TEAD2: variants seen among roughly 807,000 people sequenced by gnomAD.
TEAD2 encodes the protein transcriptional enhancer factor TEF-4.
A neutral mutation model predicts 61.4 loss-of-function variants in TEAD2; 51 were observed. The ratio of observed to expected loss-of-function variants is 0.83; its 90% confidence interval spans 0.66 to 1.05. The LOEUF (loss-of-function observed/expected upper bound fraction) is 1.05, where lower values mean the gene tolerates loss of function less well. Ranked by LOEUF, TEAD2 falls within the 50% of genes least tolerant of loss-of-function variation. TEAD2 has a pLI of 0.00. For missense variants in TEAD2, 509 were observed against 600.0 expected (o/e 0.85, Z 1.58); for synonymous variants, 244 against 243.2 (o/e 1.00, Z -0.03).
At chr19:49,342,414 C>T (rs752840923) in intron 12 of TEAD2, 24 bp downstream of exon 12, 1 of 1,609,884 alleles carries the variant, frequency 6.2e-7, no homozygotes, top group Admixed American at 1.7e-5. Context: ...GGGGGCCCCA[C>T]TCCAGCCCAG....
chr19:49,358,126 C>T (rs562607612), intron 3 of TEAD2, among the ~76,000 whole-genome samples: 2 of 152,274 alleles, frequency 1.3e-5, no homozygotes, highest in South Asian at 4.1e-4. Flanking sequence ...CCCAGCTACT[C>T]AGGAGGCTGA....
chr19:49,347,403 C>A, intron 9 of TEAD2, 40 bp from the exon 10 acceptor site: 1 of 1,592,266 alleles, frequency 6.3e-7, no homozygotes, highest in Non-Finnish European at 8.5e-7. Context: ...CGGAGGTGAG[C>A]TGGATCTCCA....
intron 10 of TEAD2, among the ~76,000 whole-genome samples, chr19:49,344,281 T>C (rs1414065025): frequency 2.0e-5 from 3 of 151,912 alleles, no homozygotes; most frequent in Admixed American, 2.0e-4. Flanking sequence ...TTTCAACCTT[T>C]TTTCTTTTCT....
intron 3 of TEAD2, among the ~76,000 whole-genome samples, chr19:49,358,973 TAATCCCAGC>T (rs1332909740): frequency 6.6e-6 from 1 of 151,976 alleles, no homozygotes; most frequent in Non-Finnish European, 1.5e-5. Flanking sequence ...CTCACGCCTG[TAATCCCAGC>T]AATCCCAGCA....
At chr19:49,351,401 G>A in intron 7 of TEAD2, 36 bp from the exon 8 acceptor site, 2 of 1,579,170 alleles carry the variant, frequency 1.3e-6, no homozygotes, top group African/African-American at 1.4e-5. Context: ...TAGCCAGGTA[G>A]AAAGATGCTA....
At chr19:49,345,975 G>C (rs8107201) in intron 10 of TEAD2, among the ~76,000 whole-genome samples, 2,658 of 151,802 alleles carry the variant, frequency 0.018, 73 homozygotes, top group African/African-American at 0.055. Context: ...GATCAGCCTG[G>C]CCAACATGAC....
Position 49,341,769 on chromosome 19 carries a change from G to A in TEAD2, c.1243-332C>T, listed in dbSNP as rs1971285408. Among the ~76,000 whole-genome samples, 1 of 152,090 alleles carries A rather than the reference G, an allele frequency of 6.6e-6. No individual in the cohort carries two copies. The highest frequency in any genetic ancestry group is 1.5e-5 in the Non-Finnish European group (1 of 68,022). The stretch of plus-strand genomic sequence containing the variant: ...CCTCCCTGCAGGTTCCGCGGTCAAG[G>A]GGTCTCTGCCTCAGCAGTCCAAAAA... On this transcript the variant is annotated intron_variant, in intron 12 of 12. Coordinates refer to ENST00000593945, the MANE Select transcript of TEAD2 (RefSeq NM_001256660.2). The surrounding 1 kb of genome is among the most constrained non-coding windows in gnomAD (Gnocchi z 4.2).
intron 3 of TEAD2, among the ~76,000 whole-genome samples, chr19:49,358,245 T>A (rs1390440906): frequency 6.6e-6 from 1 of 151,326 alleles, no homozygotes; most frequent in East Asian, 1.9e-4. Flanking sequence ...AAAAAATATT[T>A]AAAAAATGAA....
chr19:49,361,692 C>T (rs953009564), intron 1 of TEAD2: 2 of 152,630 alleles, frequency 1.3e-5, no homozygotes, highest in African/African-American at 4.8e-5. Context: ...AAACTTTTTC[C>T]AATACAGTCA....
intron 8 of TEAD2, among the ~76,000 whole-genome samples, chr19:49,349,231 A>G (rs1160574434): frequency 6.6e-6 from 1 of 152,192 alleles, no homozygotes; most frequent in Non-Finnish European, 1.5e-5. Context: ...TGGGAGGCCA[A>G]CGCAGGTGGA....
At chr19:49,356,146 G>C (rs1318297295) in intron 4 of TEAD2, 176 bp from the exon 5 acceptor site, 1 of 426,736 alleles carries the variant, frequency 2.3e-6, no homozygotes, top group East Asian at 3.6e-5. Flanking sequence ...GCCCTGGAGG[G>C]GAAAAGGGGC....
intron 10 of TEAD2, among the ~76,000 whole-genome samples, chr19:49,343,600 G>A (rs1320207858): frequency 1.3e-5 from 2 of 152,136 alleles, no homozygotes; most frequent in African/African-American, 4.8e-5. Flanking sequence ...TTAGCCGGGC[G>A]TGGTGGTGCA....
intron 8 of TEAD2, chr19:49,349,105 T>G (rs1326780153): frequency 2.8e-6 from 1 of 360,660 alleles, no homozygotes; most frequent in East Asian, 5.0e-5. Context: ...CTTTTGGCCC[T>G]GGCCAAGTCC....
chr19:49,355,861 G>A, intron 5 of TEAD2, 98 bp downstream of exon 5: 2 of 1,131,468 alleles, frequency 1.8e-6, no homozygotes, highest in Non-Finnish European at 1.2e-6. Context: ...TTGGGTTGGG[G>A]GAGGGTTGAA....
rs10406311 is a variant in TEAD2, at chr19:49,349,988, T to C, written c.605-1143A>G. On this transcript the variant is annotated intron_variant, in intron 8 of 12. Transcript: ENST00000593945. ...TTGTTGCATGGATTCATAACATGAA[T>C]GCTTTTACTATTTAAGGCACTTTTA... 4.2e-3 allele frequency among the ~76,000 whole-genome samples: 643 copies of C among 152,336 alleles called. 10 individuals carry two copies. The highest frequency in any genetic ancestry group is 0.015 in the African/African-American group (607 of 41,570).
intron 5 of TEAD2, 99 bp downstream of exon 5, chr19:49,355,860 G>T: frequency 8.8e-7 from 1 of 1,132,270 alleles, no homozygotes; most frequent in Non-Finnish European, 1.2e-6. Flanking sequence ...CTTGGGTTGG[G>T]GGAGGGTTGA....
At chr19:49,355,052 TG>T (rs1260461219) in intron 7 of TEAD2, 95 bp downstream of exon 7, 8 of 765,628 alleles carry the variant, frequency 1.0e-5, no homozygotes, top group Middle Eastern at 5.4e-4. Flanking sequence ...CATACATAAA[TG>T]GGGGGACACA....
In TEAD2 at chr19:49,357,235, T is replaced by A. The variant is rs749420865; in HGVS notation, c.360+17A>T. The stretch of plus-strand genomic sequence containing the variant: ...CAGTCTCTGTCCCCCTCTCAGGATG[T>A]CTGCATTGGTCCCTACCTTCAACTT... On this transcript the variant is annotated intron_variant, in intron 4 of 12. Transcript: ENST00000593945. The A allele has an allele frequency of 1.4e-6, 2 of 1,447,930 alleles. No individual in the cohort carries two copies. Among genetic ancestry groups the A allele is most frequent in the East Asian group, 6.3e-5 (2 of 31,872 alleles). The allele number at this position is 1,447,930 out of a possible 1,614,324, so 89.7% of individuals were successfully genotyped here.
rs563625745 is a variant in TEAD2, at chr19:49,343,470, T to C, written c.922-72A>G. 2.7e-5 allele frequency: 40 copies of C among 1,505,484 alleles called. No homozygotes were observed. The African/African-American group carries it at 4.2e-4, about 16-fold the overall frequency. 93.3% of individuals were successfully genotyped at this position (1,505,484 alleles called of 1,614,324 possible). On this transcript the variant is annotated intron_variant, in intron 10 of 12. Transcript: ENST00000593945. Reference sequence around the variant, plus strand: ...AAACAGTGGGGACTACCAGGCGCAGTGGTTCACACCTGTAATCCCAGTACT... The same window carrying C: ...AAACAGTGGGGACTACCAGGCGCAGCGGTTCACACCTGTAATCCCAGTACT...
Sources: gnomAD v4.1 joint callset for allele counts (sites outside exome capture counted in the v4.1 genomes callset) on GRCh38, gnomAD v4.1.1 for gene constraint, Gnocchi (gnomAD v3.1) non-coding constraint, MANE v1.5 for transcripts, NCBI Gene and HGNC (gene_info 2026-07-23, HGNC 2026-07-21) for gene names.